KCNQ5: variants seen among roughly 807,000 people sequenced by gnomAD.
KCNQ5 encodes potassium voltage-gated channel subfamily KQT member 5.
In KCNQ5, 30 loss-of-function variants were observed where a neutral mutation model predicts 98.2. The ratio of observed to expected loss-of-function variants is 0.31; its 90% CI spans 0.23 to 0.41. KCNQ5 has a LOEUF of 0.41. Among genes scored for constraint, KCNQ5 ranks in the 10% least tolerant of loss-of-function variants. The pLI, the probability that KCNQ5 is intolerant of heterozygous loss-of-function variation, is 1.00. For synonymous variants in KCNQ5, 458 were observed against 449.4 expected, an observed-to-expected ratio of 1.02 and a Z score of -0.24; for missense variants, 835 against 1,182.5, an observed-to-expected ratio of 0.71 and a Z score of 4.31.
At chr6:73,112,164 A>C (rs540971743) in intron 7 of KCNQ5, among the ~76,000 whole-genome samples, 1 of 152,136 alleles carries the variant, frequency 6.6e-6, no homozygotes, top group Non-Finnish European at 1.5e-5. Context: ...ACATTTAGTT[A>C]TGGACAAAAT....
Position 72,866,666 on chromosome 6 carries a change from A to G in KCNQ5, c.399-137242A>G, listed in dbSNP as rs141318641. Among the ~76,000 whole-genome samples the G allele has an allele frequency of 3.3e-3, 501 of 152,294 alleles. 2 individuals are homozygous for G. The highest frequency in any genetic ancestry group is 4.0e-3 in the Admixed American group (61 of 15,296). ...GTTAGACACATAGATCTGTCTCCAA[A>G]CCACACTTAAGTCAAACCCTTTAGT... On this transcript the variant is annotated intron_variant, in intron 1 of 13. Transcript: ENST00000370398.
chr6:72,670,700 C>A (rs1328532461), intron 1 of KCNQ5, among the ~76,000 whole-genome samples: 4 of 152,204 alleles, frequency 2.6e-5, no homozygotes, highest in African/African-American at 7.2e-5. Flanking sequence ...TAGACAGACA[C>A]CTTCTTGCTG....
intron 1 of KCNQ5, among the ~76,000 whole-genome samples, chr6:72,773,566 C>T (rs985653544): frequency 2.6e-5 from 4 of 151,986 alleles, no homozygotes; most frequent in Admixed American, 1.3e-4. Context: ...GAAACCTACA[C>T]GTTCTGCACA....
chr6:72,963,386 C>A (rs1276247407), intron 1 of KCNQ5, among the ~76,000 whole-genome samples: 1 of 152,062 alleles, frequency 6.6e-6, no homozygotes, highest in East Asian at 1.9e-4. Context: ...TATTTTAGCA[C>A]CTGTTTTTCA....
chr6:73,003,235 A>T (rs1769667782), intron 1 of KCNQ5, among the ~76,000 whole-genome samples: 1 of 152,182 alleles, frequency 6.6e-6, no homozygotes, highest in African/African-American at 2.4e-5. Flanking sequence ...CTGATCCTGA[A>T]TTCTGTTTCT....
At chr6:72,971,070 A>T (rs1010556287) in intron 1 of KCNQ5, among the ~76,000 whole-genome samples, 3 of 152,148 alleles carry the variant, frequency 2.0e-5, no homozygotes, top group African/African-American at 4.8e-5. Flanking sequence ...GCAACCTACA[A>T]AATGGGAGAA....
rs765646540 is a variant in KCNQ5, at chr6:73,120,488, T to C, written c.1131T>C (p.Val377=). The C allele has an allele frequency of 5.6e-6, 9 of 1,611,698 alleles. No individual in the cohort carries two copies. The South Asian group carries it at 7.7e-5, about 14-fold the overall frequency. Residue 377 remains valine (V), a synonymous_variant, in exon 8 of 14, where the codon GTT becomes GTC. Coordinates refer to ENST00000370398, the MANE Select transcript of KCNQ5 (RefSeq NM_019842.4). ...RNPAANLIQC[V]WRSYAADEKS... is the part of the protein sequence containing the mutation. ...CCCATCTATGCCACATGCAGTGTGTTTGGCGTAGTTACGCAGCTGATGAGA... is the reference window on the plus strand; with the variant it reads ...CCCATCTATGCCACATGCAGTGTGTCTGGCGTAGTTACGCAGCTGATGAGA...
intron 1 of KCNQ5, among the ~76,000 whole-genome samples, chr6:72,687,485 C>T (rs1768013250): frequency 6.6e-6 from 1 of 152,140 alleles, no homozygotes; most frequent in Non-Finnish European, 1.5e-5. Flanking sequence ...CTAGTGGAAA[C>T]AGACAGTAAG....
intron 1 of KCNQ5, among the ~76,000 whole-genome samples, chr6:72,761,083 T>C (rs1450424234): frequency 1.3e-5 from 2 of 152,172 alleles, no homozygotes; most frequent in Non-Finnish European, 2.9e-5. Context: ...AATTAAAGGA[T>C]GTATGATCAG....
Position 73,077,323 on chromosome 6 carries a change from T to C in KCNQ5, c.618T>C (p.Asp206=). The C allele has an allele frequency of 1.9e-6, 3 of 1,612,410 alleles. No individual in the cohort carries two copies. The highest frequency in any genetic ancestry group is 1.7e-6 in the Non-Finnish European group (2 of 1,179,478). ...GCTATTTCGACCTGTTTCTTTCAGA[T>C]ACCATTGTTCTTATCGCTTCAATAG... ...RFARKPFCVI[D]TIVLIASIAV... Residue 206 remains aspartate, a splice_region_variant and synonymous_variant, in exon 4 of 14, where the codon GAT becomes GAC. Transcript: ENST00000370398.
In KCNQ5 at chr6:72,985,005, G is replaced by C. The variant is rs371984376; in HGVS notation, c.399-18903G>C. On this transcript the variant is annotated intron_variant, in intron 1 of 13. Coordinates refer to ENST00000370398, the MANE Select transcript of KCNQ5 (RefSeq NM_019842.4). ...GAAGATCACATGAAATCAGTAGTTA[G>C]ACCAGCCTGGGCAACAAAGTGAGAC... is the stretch of plus-strand genomic sequence containing the variant. 7.9e-5 allele frequency among the ~76,000 whole-genome samples: 12 copies of C among 152,192 alleles called. No homozygotes were observed. The East Asian group carries it at 2.3e-3, about 29-fold the overall frequency.
chr6:72,750,539 C>G (rs1229498051), intron 1 of KCNQ5, among the ~76,000 whole-genome samples: 1 of 151,894 alleles, frequency 6.6e-6, no homozygotes, highest in African/African-American at 2.4e-5. Flanking sequence ...AATTAATGAT[C>G]TTTTAAAAAG....
chr6:72,731,851 T>A (rs1397397146), intron 1 of KCNQ5, among the ~76,000 whole-genome samples: 1 of 151,944 alleles, frequency 6.6e-6, no homozygotes, highest in Non-Finnish European at 1.5e-5. Context: ...AAAAATTATA[T>A]CCTCCAAACA....
chr6:72,649,113 C>T (rs754215436), intron 1 of KCNQ5, among the ~76,000 whole-genome samples: 29 of 152,214 alleles, frequency 1.9e-4, no homozygotes, highest in Admixed American at 7.2e-4. Flanking sequence ...TTGTCCTGCT[C>T]GCAGATGTGC....
intron 1 of KCNQ5, among the ~76,000 whole-genome samples, chr6:72,843,514 G>A (rs1408268084): frequency 6.6e-6 from 1 of 152,138 alleles, no homozygotes; most frequent in Non-Finnish European, 1.5e-5. Context: ...TTCCAATTCT[G>A]TGAAGAAAGC....
At chr6:72,890,308 G>C (rs1779009766) in intron 1 of KCNQ5, among the ~76,000 whole-genome samples, 1 of 151,166 alleles carries the variant, frequency 6.6e-6, no homozygotes, top group Non-Finnish European at 1.5e-5. Context: ...AGTAACATGA[G>C]CTCTATCCTC....
chr6:72,813,913 C>G (rs1486362881), intron 1 of KCNQ5, among the ~76,000 whole-genome samples: 6 of 152,072 alleles, frequency 3.9e-5, no homozygotes, highest in South Asian at 4.1e-4. Context: ...CAACTGTACC[C>G]TGTTGTACTC....
chr6:72,630,789 T>C (rs1003485014), intron 1 of KCNQ5, among the ~76,000 whole-genome samples: 5 of 152,222 alleles, frequency 3.3e-5, no homozygotes, highest in Admixed American at 2.0e-4. Context: ...GCTGTATTTA[T>C]ATGATAAAGG....
intron 1 of KCNQ5, among the ~76,000 whole-genome samples, chr6:72,633,142 A>G (rs981020838): frequency 1.3e-5 from 2 of 152,138 alleles, no homozygotes; most frequent in Non-Finnish European, 1.5e-5. Flanking sequence ...ATGAGGTGGT[A>G]TCTCATTGTG....
Sources: gnomAD v4.1 joint callset for allele counts (sites outside exome capture counted in the v4.1 genomes callset) on GRCh38, gnomAD v4.1.1 for gene constraint, MANE v1.5 for transcripts, NCBI Gene and HGNC (gene_info 2026-07-23, HGNC 2026-07-21) for gene names.